SEMA5A: variants seen among roughly 807,000 people sequenced by gnomAD.
The protein encoded by SEMA5A is semaphorin 5A, also known as semaphorin-5A.
SEMA5A carries 55 observed loss-of-function variants against 135.5 expected under a neutral mutation model. The observed-to-expected ratio is 0.41, with a 90% CI of 0.33 to 0.51. The LOEUF (loss-of-function observed/expected upper bound fraction) is 0.51. SEMA5A is among the 20% of genes least tolerant of loss of function. SEMA5A has a pLI of 0.37. For missense variants in SEMA5A, 1,290 were observed against 1,419.9 expected, an observed-to-expected ratio of 0.91 and a Z score of 1.47; for synonymous variants, 580 against 546.5, an observed-to-expected ratio of 1.06 and a Z score of -0.85.
chr5:9,048,486 C>T (rs1736391263), intron 21 of SEMA5A, among the ~76,000 whole-genome samples: 1 of 152,128 alleles, frequency 6.6e-6, no homozygotes, highest in African/African-American at 2.4e-5. Flanking sequence ...TAGACCTGAC[C>T]AGAACTTCTA....
intron 1 of SEMA5A, among the ~76,000 whole-genome samples, chr5:9,493,492 T>C (rs1256957832): frequency 6.6e-6 from 1 of 152,134 alleles, no homozygotes; most frequent in African/African-American, 2.4e-5. Flanking sequence ...TATTAACTTA[T>C]TTATTTCTAT....
chr5:9,365,412 G>A (rs1030924618), intron 3 of SEMA5A, among the ~76,000 whole-genome samples: 5 of 152,144 alleles, frequency 3.3e-5, no homozygotes, highest in Non-Finnish European at 7.3e-5. Context: ...CCCCAATGGG[G>A]CTCGGCAGGA....
intron 16 of SEMA5A, among the ~76,000 whole-genome samples, chr5:9,082,279 T>C (rs750397239): frequency 1.3e-5 from 2 of 152,224 alleles, no homozygotes; most frequent in Non-Finnish European, 2.9e-5. Context: ...GATGGAGTCT[T>C]ATGTTCATAA....
At chr5:9,080,539 T>TA (rs11409624) in intron 16 of SEMA5A, among the ~76,000 whole-genome samples, 121,706 of 146,806 alleles carry the variant, frequency 0.83, 50,426 homozygotes, top group East Asian at 0.95. Flanking sequence ...ACTCTTAAAT[T>TA]AAAAAAAAAA....
intron 3 of SEMA5A, among the ~76,000 whole-genome samples, chr5:9,357,178 A>G (rs1754487197): frequency 6.6e-6 from 1 of 152,066 alleles, no homozygotes; most frequent in African/African-American, 2.4e-5. Flanking sequence ...CTTTTAACTG[A>G]CTTTTCATAA....
At chr5:9,538,819 G>T (rs999018894) in intron 1 of SEMA5A, among the ~76,000 whole-genome samples, 2 of 152,164 alleles carry the variant, frequency 1.3e-5, no homozygotes, top group Non-Finnish European at 1.5e-5. Flanking sequence ...TGGCCCTGGC[G>T]CTAAGCTTTG....
chr5:9,102,302 T>A (rs909640689), intron 16 of SEMA5A, among the ~76,000 whole-genome samples: 1 of 152,220 alleles, frequency 6.6e-6, no homozygotes, highest in African/African-American at 2.4e-5. Context: ...GCTATGCTCT[T>A]GAAAATATTT....
intron 2 of SEMA5A, among the ~76,000 whole-genome samples, chr5:9,384,641 TAGATAG>T (rs1162158887): frequency 0.014 from 1,609 of 113,948 alleles, 98 homozygotes; most frequent in Non-Finnish European, 0.016. Context: ...GATAGATAGA[TAGATAG>T]ATAGATAGAT....
At chr5:9,349,118 G>A (rs1396965117) in intron 3 of SEMA5A, among the ~76,000 whole-genome samples, 2 of 152,200 alleles carry the variant, frequency 1.3e-5, no homozygotes. Context: ...ACAAGACAGG[G>A]TCATGCAAGG....
Position 9,051,902 on chromosome 5 carries a change from G to A in SEMA5A, c.2816C>T (p.Pro939Leu), listed in dbSNP as rs369362878. 1.7e-5 allele frequency: 28 copies of A among 1,613,926 alleles called. No individual in the cohort carries two copies. In the African/African-American group the frequency reaches 2.4e-4, roughly 14 times the overall value. The change falls in exon 20 of 23, where the codon CCG becomes CTG. Residue 939 changes from proline (P) to leucine (L), a missense_variant. Pro to Leu is a moderately conservative substitution (Grantham distance 98). Coordinates refer to ENST00000382496, the MANE Select transcript of SEMA5A (RefSeq NM_003966.3). Reference protein sequence around the residue: ...QCSGNTTESRPCVFDSNFIPE... With the variant: ...QCSGNTTESRLCVFDSNFIPE... ...GATGAAATTAGAGTCAAACACACAC[G>A]GCCGGCTCTCCGTGGTGTTCCCGGA...
Position 9,275,724 on chromosome 5 carries a change from G to A in SEMA5A, c.271-37834C>T, listed in dbSNP as rs545190270. 2.0e-5 allele frequency among the ~76,000 whole-genome samples: 3 copies of A among 152,166 alleles called. No homozygotes were observed. The East Asian group carries it at 5.8e-4, about 29-fold the overall frequency. The stretch of plus-strand genomic sequence containing the variant: ...AATCCATCACATAAACAAAACCAAT[G>A]AGAAAAAACACATGATTATCTCAAT... On this transcript the variant is annotated intron_variant, in intron 5 of 22. Coordinates refer to ENST00000382496, the MANE Select transcript of SEMA5A (RefSeq NM_003966.3).
intron 2 of SEMA5A, among the ~76,000 whole-genome samples, chr5:9,395,935 GC>G (rs1198025491): frequency 6.6e-6 from 1 of 152,098 alleles, no homozygotes; most frequent in Admixed American, 6.6e-5. Flanking sequence ...ATGGGGCTGT[GC>G]TTTAAGGAAT....
chr5:9,220,091 G>A (rs1001224626), intron 8 of SEMA5A, among the ~76,000 whole-genome samples: 2 of 152,198 alleles, frequency 1.3e-5, no homozygotes, highest in African/African-American at 4.8e-5. Flanking sequence ...ATTCCAAGGG[G>A]AGTAATTCAA....
intron 2 of SEMA5A, among the ~76,000 whole-genome samples, chr5:9,392,840 C>A (rs1561215556): frequency 6.6e-6 from 1 of 152,188 alleles, no homozygotes; most frequent in Non-Finnish European, 1.5e-5. Flanking sequence ...GCCAAGATAC[C>A]TTCTACTAAA....
At chr5:9,086,094 A>G (rs1738669141) in intron 16 of SEMA5A, among the ~76,000 whole-genome samples, 1 of 152,152 alleles carries the variant, frequency 6.6e-6, no homozygotes, top group African/African-American at 2.4e-5. Context: ...TGTATCTAGG[A>G]AGCAACTAAT....
chr5:9,351,017 G>A (rs1561173962), intron 3 of SEMA5A, among the ~76,000 whole-genome samples: 1 of 152,116 alleles, frequency 6.6e-6, no homozygotes, highest in Non-Finnish European at 1.5e-5. Context: ...AATAAAACCT[G>A]TATAAATATC....
At chr5:9,502,332 A>G (rs748680680) in intron 1 of SEMA5A, among the ~76,000 whole-genome samples, 14 of 152,244 alleles carry the variant, frequency 9.2e-5, no homozygotes, top group Non-Finnish European at 1.2e-4. Flanking sequence ...GAAGTTCCCT[A>G]TATATTTAAG....
chr5:9,150,905 A>G (rs1215975697), intron 12 of SEMA5A, among the ~76,000 whole-genome samples: 1 of 152,156 alleles, frequency 6.6e-6, no homozygotes, highest in Non-Finnish European at 1.5e-5. Context: ...GCAATCCAGC[A>G]GCTCCTTCAG....
At chr5:9,310,093 T>G (rs192313919) in intron 5 of SEMA5A, among the ~76,000 whole-genome samples, 1 of 152,252 alleles carries the variant, frequency 6.6e-6, no homozygotes, top group Admixed American at 6.5e-5. Flanking sequence ...AAATATTCAT[T>G]GAGAACTTGC....
Sources: allele counts gnomAD v4.1 joint callset (sites outside exome capture counted in the v4.1 genomes callset), GRCh38; gene constraint gnomAD v4.1.1; transcripts MANE v1.5; gene names NCBI Gene and HGNC (gene_info 2026-07-23, HGNC 2026-07-21).